Variants in LURAP1L observed in about 807,000 individuals in gnomAD.
LURAP1L encodes leucine rich adaptor protein 1-like.
In LURAP1L, 12 loss-of-function variants were observed where a neutral mutation model predicts 13.8. That is an observed-to-expected ratio of 0.87 (90% confidence interval 0.56 to 1.41). The LOEUF is 1.41. Among genes scored for constraint, LURAP1L ranks in the 40% most tolerant of loss-of-function variants. LURAP1L has a pLI of 0.00. For missense variants in LURAP1L, 375 were observed against 292.9 expected (o/e 1.28, Z -2.04); for synonymous variants, 139 against 119.2 (o/e 1.17, Z -1.08).
intron 1 of LURAP1L, among the ~76,000 whole-genome samples, chr9:12,785,709 TTC>T (rs571514041): frequency 1.4e-4 from 21 of 152,178 alleles, no homozygotes; most frequent in Non-Finnish European, 2.6e-4. Flanking sequence ...ACAGATATTC[TTC>T]TCTCTCTGCA....
At chr9:12,786,581 T>TATATATATATATATATATATATAAC (rs61134838) in intron 1 of LURAP1L, among the ~76,000 whole-genome samples, 3 of 121,450 alleles carry the variant, frequency 2.5e-5, no homozygotes, top group Non-Finnish European at 5.4e-5. Flanking sequence ...TATATATATA[T>TATATATATATATATATATATATAAC]AAACCCTTGT....
chr9:12,786,581 T>TATATATATATATAAAAAC (rs61134838), intron 1 of LURAP1L, among the ~76,000 whole-genome samples: 2 of 121,436 alleles, frequency 1.6e-5, no homozygotes, highest in Non-Finnish European at 3.6e-5. Context: ...TATATATATA[T>TATATATATATATAAAAAC]AAACCCTTGT....
rs1036335871 is a variant in LURAP1L at position 12,775,161 on chromosome 9, T to A, written c.-555T>A. On this transcript the variant is annotated 5_prime_UTR_variant, in exon 1 of 2. The change creates a premature stop within an existing upstream ORF in the 5' untranslated region. Coordinates refer to ENST00000319264, the MANE Select transcript of LURAP1L (RefSeq NM_203403.2). ...AACTCCTCTTTCACTGACCAGAGAT[T>A]ATTTCTGACAACCCAGGATATCCCG... is the stretch of plus-strand genomic sequence containing the variant. 1.3e-5 allele frequency: 2 copies of A among 152,196 alleles called. No homozygotes were observed. The highest frequency in any genetic ancestry group is 6.5e-5 in the Admixed American group (1 of 15,272). The allele number at this position is 152,196 out of a possible 1,614,324, so 9.4% of individuals were successfully genotyped here. A position where few individuals can be genotyped will look rare whatever the true frequency, so the allele number is the denominator to read the frequency against.
chr9:12,792,282 G>A (rs1024060359), intron 1 of LURAP1L, among the ~76,000 whole-genome samples: 1 of 152,060 alleles, frequency 6.6e-6, no homozygotes, highest in African/African-American at 2.4e-5. Context: ...AACCAGTTTT[G>A]TTAGAAGAGG....
rs1819895052 is a variant in LURAP1L, at chr9:12,822,506, TA to T, written c.*749del. ...GAGGCCATTCAAGGCAAAAATGTCC[TA>T]AATTTAATTGCATTTTGAGATTTTG... is the stretch of plus-strand genomic sequence containing the variant. On this transcript the variant is annotated 3_prime_UTR_variant, in exon 2 of 2. Transcript: ENST00000319264. 6.6e-6 allele frequency among the ~76,000 whole-genome samples: 1 copy of T among 152,230 alleles called. No individual in the cohort carries two copies. The highest frequency in any genetic ancestry group is 1.5e-5 in the Non-Finnish European group (1 of 68,040).
At chr9:12,782,363 C>A (rs1032502295) in intron 1 of LURAP1L, among the ~76,000 whole-genome samples, 1 of 152,084 alleles carries the variant, frequency 6.6e-6, no homozygotes, top group Non-Finnish European at 1.5e-5. Flanking sequence ...TCCCCAATGT[C>A]TTCTTTTGGT....
chr9:12,814,989 C>A (rs1270906226), intron 1 of LURAP1L, among the ~76,000 whole-genome samples: 1 of 152,162 alleles, frequency 6.6e-6, no homozygotes, highest in Non-Finnish European at 1.5e-5. Context: ...AGGAACAGCA[C>A]TGACTTTTGC....
At chr9:12,787,015 G>T (rs1357881407) in intron 1 of LURAP1L, among the ~76,000 whole-genome samples, 1 of 152,018 alleles carries the variant, frequency 6.6e-6, no homozygotes, top group Middle Eastern at 3.2e-3. Context: ...TTCACAAAAA[G>T]ATTTTGACAC....
At chr9:12,804,256 A>T (rs1819625546) in intron 1 of LURAP1L, among the ~76,000 whole-genome samples, 1 of 152,150 alleles carries the variant, frequency 6.6e-6, no homozygotes, top group South Asian at 2.1e-4. Flanking sequence ...CTTTTGTATC[A>T]TCTGCATAGT....
At chr9:12,810,531 A>G (rs1819722786) in intron 1 of LURAP1L, among the ~76,000 whole-genome samples, 1 of 152,310 alleles carries the variant, frequency 6.6e-6, no homozygotes, top group Non-Finnish European at 1.5e-5. Flanking sequence ...GACTGGAACC[A>G]TAATGAGAAT....
chr9:12,821,644 C>A lies in LURAP1L; in HGVS notation c.571C>A (p.Pro191Thr). The A allele has an allele frequency of 6.2e-7, 1 of 1,614,128 alleles. No individual in the cohort carries two copies. The highest frequency in any genetic ancestry group is 8.5e-7 in the Non-Finnish European group (1 of 1,180,036). Residue 191 changes from proline to threonine, a missense_variant, in exon 2 of 2, where the codon CCA (proline) becomes ACA (threonine). Physicochemically the swap from Pro to Thr is conservative, Grantham distance 38 (BLOSUM62 -1). Transcript: ENST00000319264. ...TCTGGACACGTTGGCGGATGATGTCCCAGGCCATCAGACCCCTTCAGACTT... is the reference window on the plus strand; with the variant it reads ...TCTGGACACGTTGGCGGATGATGTCACAGGCCATCAGACCCCTTCAGACTT... ...SYLDTLADDV[P>T]GHQTPSDLDQ...
chr9:12,781,435 T>G (rs1000997767), intron 1 of LURAP1L, among the ~76,000 whole-genome samples: 2 of 151,938 alleles, frequency 1.3e-5, no homozygotes, highest in African/African-American at 4.9e-5. Context: ...CTGGTAACCA[T>G]CATTCTACTT....
chr9:12,792,648 A>G (rs764413365), intron 1 of LURAP1L, among the ~76,000 whole-genome samples: 2 of 152,114 alleles, frequency 1.3e-5, no homozygotes, highest in Non-Finnish European at 2.9e-5. Context: ...ATTATCATAA[A>G]CGACATTAGA....
chr9:12,787,596 C>A (rs1819375271), intron 1 of LURAP1L, among the ~76,000 whole-genome samples: 1 of 152,138 alleles, frequency 6.6e-6, no homozygotes, highest in Non-Finnish European at 1.5e-5. Flanking sequence ...TGATCATCAA[C>A]CTTTGGTTGA....
intron 1 of LURAP1L, among the ~76,000 whole-genome samples, chr9:12,809,178 G>A (rs914084020): frequency 6.6e-6 from 1 of 152,062 alleles, no homozygotes; most frequent in Non-Finnish European, 1.5e-5. Context: ...CCCCATGACC[G>A]AAACACCTCC....
intron 1 of LURAP1L, among the ~76,000 whole-genome samples, chr9:12,789,918 G>C (rs1819416514): frequency 6.6e-6 from 1 of 152,130 alleles, no homozygotes; most frequent in African/African-American, 2.4e-5. Context: ...CCATACTTTA[G>C]TCTTATACAA....
At chr9:12,780,948 T>C (rs1819260971) in intron 1 of LURAP1L, among the ~76,000 whole-genome samples, 1 of 152,118 alleles carries the variant, frequency 6.6e-6, no homozygotes, top group Non-Finnish European at 1.5e-5. Context: ...ATTCCAAATA[T>C]ACTCTTTTAG....
At position 12,807,190 on chromosome 9, in the gene LURAP1L, CG is replaced by C. The variant is rs1819672125; in HGVS notation, c.313-14193del. On this transcript the variant is annotated intron_variant, in intron 1 of 1. Coordinates refer to ENST00000319264, the MANE Select transcript of LURAP1L (RefSeq NM_203403.2). ...CTGAAGCAGGAGAATGGCATGAACC[CG>C]GGAGGCGCAGCTTGCAGTGAGCTGA... 4.3e-5 allele frequency among the ~76,000 whole-genome samples: 6 copies of C among 139,476 alleles called. No individual in the cohort carries two copies. In the South Asian group the frequency reaches 1.4e-3, roughly 32 times the overall value. 91.5% of individuals were successfully genotyped at this position (139,476 alleles called of 152,430 possible).
rs1819814197 is a variant in LURAP1L at position 12,817,086 on chromosome 9, A to T, written c.313-4300A>T. ...AAGTCCACTTCCTTTTAGAGATACT[A>T]TCTCATATTCTGTAAATTTAAGCTA... On this transcript the variant is annotated intron_variant, in intron 1 of 1. Transcript: ENST00000319264. Among the ~76,000 whole-genome samples, 3 of 152,170 alleles carry T rather than the reference A, an allele frequency of 2.0e-5. No homozygotes were observed. The East Asian group carries it at 5.8e-4, about 29-fold the overall frequency.
Sources: allele counts gnomAD v4.1 joint callset (sites outside exome capture counted in the v4.1 genomes callset), GRCh38; gene constraint gnomAD v4.1.1; transcripts MANE v1.5; gene names NCBI Gene and HGNC (gene_info 2026-07-23, HGNC 2026-07-21).